RPS6KA5: variants seen among roughly 807,000 people sequenced by gnomAD.
The protein encoded by RPS6KA5 is ribosomal protein S6 kinase alpha-5.
A neutral mutation model predicts 85.5 loss-of-function variants in RPS6KA5; 27 were observed. The ratio of observed to expected loss-of-function variants is 0.32; its 90% confidence interval spans 0.23 to 0.44. RPS6KA5 has a LOEUF of 0.44. Ranked by LOEUF, RPS6KA5 falls within the 20% of genes least tolerant of loss-of-function variation. The pLI is 1.00. For synonymous variants in RPS6KA5, 334 were observed against 348.2 expected (o/e 0.96, Z 0.46); for missense variants, 811 against 980.9 (o/e 0.83, Z 2.31).
intron 3 of RPS6KA5, among the ~76,000 whole-genome samples, chr14:90,960,803 A>G (rs771902375): frequency 6.6e-6 from 1 of 152,204 alleles, no homozygotes; most frequent in Non-Finnish European, 1.5e-5. Context: ...AAGCTTGAGC[A>G]TTCTTGAATT....
intron 1 of RPS6KA5, among the ~76,000 whole-genome samples, chr14:91,055,887 T>C (rs10142237): frequency 0.027 from 4,131 of 152,306 alleles, 136 homozygotes; most frequent in African/African-American, 0.084. Flanking sequence ...AGCCACGCTA[T>C]GGAGAGGCCC....
chr14:90,938,221 T>C (rs564424589), intron 5 of RPS6KA5, among the ~76,000 whole-genome samples: 14 of 152,336 alleles, frequency 9.2e-5, no homozygotes, highest in African/African-American at 3.4e-4. Flanking sequence ...ATGATCTCCT[T>C]TGACTCCATG....
chr14:90,997,327 CAT>C (rs2040570502), intron 2 of RPS6KA5, among the ~76,000 whole-genome samples: 1 of 152,094 alleles, frequency 6.6e-6, no homozygotes, highest in Admixed American at 6.5e-5. Context: ...ATGAAAAAAA[CAT>C]ATGTTCATAC....
chr14:90,949,192 T>C (rs1243651624), intron 3 of RPS6KA5, among the ~76,000 whole-genome samples: 1 of 152,234 alleles, frequency 6.6e-6, no homozygotes, highest in African/African-American at 2.4e-5. Context: ...TCAATACTTA[T>C]GTTTATGCAT....
At position 90,859,457 on chromosome 14, in the gene RPS6KA5, G is replaced by A. The variant is rs1474055536; in HGVS notation, c.*12617C>T. On this transcript the variant is annotated 3_prime_UTR_variant, in exon 17 of 17. Transcript: ENST00000614987. ...GTTTTAAAATTACTTTGATTAATGT[G>A]TTCAAGAATATAGAGGAAAAGACAA... 3 of 152,114 alleles carry A rather than the reference G, an allele frequency of 2.0e-5. No homozygotes were observed. The highest frequency in any genetic ancestry group is 4.4e-5 in the Non-Finnish European group (3 of 68,032). The allele number at this position is 152,114 out of a possible 1,614,324, so 9.4% of individuals were successfully genotyped here. A position where few individuals can be genotyped will look rare whatever the true frequency, so the allele number is the denominator to read the frequency against.
chr14:90,905,122 T>TCTCTCAATGTA (rs2035430297), intron 8 of RPS6KA5, among the ~76,000 whole-genome samples: 1 of 152,188 alleles, frequency 6.6e-6, no homozygotes, highest in South Asian at 2.1e-4. Flanking sequence ...TGTGCAGTAG[T>TCTCTCAATGTA]ATTATAAAAA....
intron 16 of RPS6KA5, among the ~76,000 whole-genome samples, chr14:90,873,373 C>G (rs1251957301): frequency 6.6e-6 from 1 of 152,052 alleles, no homozygotes; most frequent in East Asian, 1.9e-4. Context: ...GGAAAAAGTT[C>G]TATTATCTCA....
At chr14:90,924,307 T>C (rs1009401146) in intron 5 of RPS6KA5, among the ~76,000 whole-genome samples, 2 of 152,200 alleles carry the variant, frequency 1.3e-5, no homozygotes, top group Non-Finnish European at 2.9e-5. Flanking sequence ...CTAAACTTCC[T>C]AAGAGTTTCT....
At position 90,877,415 on chromosome 14, in the gene RPS6KA5, C is replaced by T. The variant is rs116623181; in HGVS notation, c.1837-2055G>A. Among the ~76,000 whole-genome samples the T allele has an allele frequency of 4.1e-3, 617 of 152,250 alleles. 8 individuals are homozygous for T. Among genetic ancestry groups the T allele is most frequent in the African/African-American group, 0.014 (577 of 41,532 alleles). On this transcript the variant is annotated intron_variant, in intron 14 of 16. Transcript: ENST00000614987. ...AGTCCACAGGCTGGCAGTAACTGTC[C>T]AAGATTAACTGGAGTCTCATAACTG... is the stretch of plus-strand genomic sequence containing the variant.
At chr14:91,035,035 GTAGTTAGA>G (rs1325066133) in intron 1 of RPS6KA5, among the ~76,000 whole-genome samples, 2 of 152,086 alleles carry the variant, frequency 1.3e-5, no homozygotes, top group Non-Finnish European at 2.9e-5. Context: ...GAGAGGTAAG[GTAGTTAGA>G]ACACAAGGAA....
chr14:90,863,747 TA>T lies in RPS6KA5; in HGVS notation c.*8326del, dbSNP rs1457812945. On this transcript the variant is annotated 3_prime_UTR_variant, in exon 17 of 17. Coordinates refer to ENST00000614987, the MANE Select transcript of RPS6KA5 (RefSeq NM_004755.4). ...TGGTGAGACAAATTAAATACCTAAG[TA>T]AATAGAGGGATATACCATGTCCATG... is the stretch of plus-strand genomic sequence containing the variant. 5 of 152,152 alleles carry T rather than the reference TA, an allele frequency of 3.3e-5. No homozygotes were observed. Among genetic ancestry groups the T allele is most frequent in the African/African-American group, 9.7e-5 (4 of 41,430 alleles). 9.4% of individuals were successfully genotyped at this position (152,152 alleles called of 1,614,324 possible).
intron 3 of RPS6KA5, among the ~76,000 whole-genome samples, chr14:90,962,709 C>T (rs1437869215): frequency 1.3e-5 from 2 of 152,018 alleles, no homozygotes; most frequent in African/African-American, 2.4e-5. Context: ...AATTTTGGCA[C>T]GATTCCAAAA....
chr14:90,995,369 C>A (rs1183974970), intron 2 of RPS6KA5, among the ~76,000 whole-genome samples: 1 of 152,186 alleles, frequency 6.6e-6, no homozygotes, highest in Non-Finnish European at 1.5e-5. Flanking sequence ...GGTTATGACT[C>A]ACGGAAGGCT....
At chr14:91,039,699 A>G (rs1469288092) in intron 1 of RPS6KA5, among the ~76,000 whole-genome samples, 1 of 152,204 alleles carries the variant, frequency 6.6e-6, no homozygotes, top group Non-Finnish European at 1.5e-5. Context: ...ACCAGGTGCC[A>G]TCACCTTGAA....
At chr14:90,947,920 C>A (rs1166904231) in intron 3 of RPS6KA5, among the ~76,000 whole-genome samples, 1 of 152,186 alleles carries the variant, frequency 6.6e-6, no homozygotes, top group Non-Finnish European at 1.5e-5. Context: ...ATAACCAAAA[C>A]CAAAACAAAA....
intron 2 of RPS6KA5, 137 bp downstream of exon 2, chr14:91,000,951 C>G (rs2040762081): frequency 5.4e-6 from 3 of 554,356 alleles, no homozygotes; most frequent in Non-Finnish European, 9.6e-6. Flanking sequence ...ATGGTCTGTT[C>G]ATGTTCTTTG....
At position 91,060,448 on chromosome 14, in the gene RPS6KA5, TC is replaced by T; in HGVS notation, c.-15del. 6.9e-7 allele frequency: 1 copy of T among 1,449,118 alleles called. No individual in the cohort carries two copies. Among genetic ancestry groups the T allele is most frequent in the Non-Finnish European group, 9.2e-7 (1 of 1,089,440 alleles). The allele number at this position is 1,449,118 out of a possible 1,614,324, so 89.8% of individuals were successfully genotyped here. On this transcript the variant is annotated 5_prime_UTR_variant, in exon 1 of 17. Transcript: ENST00000614987. Reference sequence around the variant, plus strand: ...CTCCTCCTCCATCTTCTCCTTTTTTTCCGATCCCGCGGGTCGCTACGAGGGG... The same window carrying T: ...CTCCTCCTCCATCTTCTCCTTTTTTTCGATCCCGCGGGTCGCTACGAGGGG...
chr14:90,966,311 G>A (rs553000335), intron 3 of RPS6KA5, among the ~76,000 whole-genome samples: 1 of 152,286 alleles, frequency 6.6e-6, no homozygotes, highest in African/African-American at 2.4e-5. Flanking sequence ...TGTGACAGGG[G>A]CTGCTAGAGA....
intron 8 of RPS6KA5, among the ~76,000 whole-genome samples, chr14:90,905,051 T>C (rs757872950): frequency 2.0e-5 from 3 of 152,164 alleles, no homozygotes; most frequent in South Asian, 2.1e-4. Context: ...GAAATGCATA[T>C]AGTGAGAAGT....
Sources: gnomAD v4.1 joint callset for allele counts (sites outside exome capture counted in the v4.1 genomes callset) on GRCh38, gnomAD v4.1.1 for gene constraint, MANE v1.5 for transcripts, NCBI Gene and HGNC (gene_info 2026-07-23, HGNC 2026-07-21) for gene names.